Variants in VPS41 observed in about 807,000 individuals in gnomAD.
VPS41 encodes the protein vacuolar protein sorting-associated protein 41 homolog.
In VPS41, 85 loss-of-function variants were observed where a neutral mutation model predicts 130.9. That is an observed-to-expected ratio of 0.65 (90% CI 0.55 to 0.78). The LOEUF (loss-of-function observed/expected upper bound fraction) is 0.78, where lower values mean the gene tolerates loss of function less well. Ranked by LOEUF, VPS41 falls within the 30% of genes least tolerant of loss-of-function variation. The pLI is 0.00. For missense variants in VPS41, 874 were observed against 1,018.7 expected (o/e 0.86, Z 1.93); for synonymous variants, 335 against 332.9 (o/e 1.01, Z -0.07).
intron 7 of VPS41, among the ~76,000 whole-genome samples, chr7:38,811,692 A>G (rs1784946937): frequency 6.6e-6 from 1 of 151,900 alleles, no homozygotes; most frequent in African/African-American, 2.4e-5. Context: ...AAGTGGAAAT[A>G]ATTTGCTTGT....
intron 15 of VPS41, among the ~76,000 whole-genome samples, chr7:38,766,833 T>C (rs149724373): frequency 1.1e-3 from 164 of 152,346 alleles, no homozygotes; most frequent in African/African-American, 3.8e-3. Flanking sequence ...CCTTCTGCCA[T>C]GACTGTAAGT....
chr7:38,789,743 A>C (rs1241636547), intron 10 of VPS41, 58 bp downstream of exon 10: 1 of 1,578,392 alleles, frequency 6.3e-7, no homozygotes, highest in African/African-American at 1.3e-5. Flanking sequence ...GAGATTAATG[A>C]AGACGAAAAT....
At chr7:38,749,385 G>C (rs1030584269) in intron 22 of VPS41, among the ~76,000 whole-genome samples, 2 of 152,174 alleles carry the variant, frequency 1.3e-5, no homozygotes, top group Admixed American at 1.3e-4. Context: ...GAAAGATATA[G>C]TGTCTTCCCA....
chr7:38,826,328 A>C (rs1054236869), intron 5 of VPS41, among the ~76,000 whole-genome samples: 2 of 152,238 alleles, frequency 1.3e-5, no homozygotes, highest in Non-Finnish European at 2.9e-5. Flanking sequence ...TAAACAAATC[A>C]AACAAAAACA....
intron 7 of VPS41, among the ~76,000 whole-genome samples, chr7:38,800,191 TA>T (rs1784698635): frequency 6.6e-6 from 1 of 152,160 alleles, no homozygotes; most frequent in Non-Finnish European, 1.5e-5. Flanking sequence ...ACACAATGAG[TA>T]TGTATCCATT....
chr7:38,876,681 G>C (rs555937962), intron 2 of VPS41, among the ~76,000 whole-genome samples: 1 of 138,178 alleles, frequency 7.2e-6, no homozygotes, highest in Non-Finnish European at 1.7e-5. Flanking sequence ...TTGCTTTACC[G>C]TAACACACTA....
chr7:38,900,399 C>T (rs150457725), intron 1 of VPS41, among the ~76,000 whole-genome samples: 1 of 151,922 alleles, frequency 6.6e-6, no homozygotes, highest in East Asian at 1.9e-4. Context: ...ACCACGGAGA[C>T]TGGGAAGGGT....
intron 5 of VPS41, among the ~76,000 whole-genome samples, chr7:38,826,104 C>G (rs1000074141): frequency 6.6e-5 from 10 of 152,204 alleles, no homozygotes; most frequent in Non-Finnish European, 2.9e-5. Flanking sequence ...TCCACCCAGG[C>G]TGACTAACAG....
chr7:38,796,985 T>C, intron 7 of VPS41, 121 bp from the exon 8 acceptor site: 1 of 1,076,574 alleles, frequency 9.3e-7, no homozygotes, highest in Non-Finnish European at 1.4e-6. Context: ...TCGACGTCTT[T>C]AATGTAGACT....
At chr7:38,746,277 C>T (rs1178639531) in intron 22 of VPS41, among the ~76,000 whole-genome samples, 1 of 150,844 alleles carries the variant, frequency 6.6e-6, no homozygotes. Flanking sequence ...AAAAGACCTA[C>T]TATATATTGA....
chr7:38,876,600 T>C (rs1169524043), intron 2 of VPS41, among the ~76,000 whole-genome samples: 3 of 152,196 alleles, frequency 2.0e-5, no homozygotes, highest in Non-Finnish European at 4.4e-5. Context: ...ATATTTATTA[T>C]AAAAACGGTT....
intron 7 of VPS41, among the ~76,000 whole-genome samples, chr7:38,816,635 GA>G (rs1274744728): frequency 2.6e-5 from 4 of 151,700 alleles, no homozygotes; most frequent in African/African-American, 7.3e-5. Flanking sequence ...AATAAAAACA[GA>G]AAAAAAACTA....
At chr7:38,830,117 C>A in intron 5 of VPS41, 137 bp downstream of exon 5, 1 of 679,928 alleles carries the variant, frequency 1.5e-6, no homozygotes, top group Non-Finnish European at 2.6e-6. Context: ...TCAATTATGA[C>A]CAATCAGAAG....
Position 38,841,956 on chromosome 7 carries a change from T to C in VPS41, c.247-11628A>G, listed in dbSNP as rs560747463. On this transcript the variant is annotated intron_variant, in intron 4 of 28. Transcript: ENST00000310301. ...CCTTTCAGGTTGTAGATCCTCAGCC[T>C]GCCTCTTAAACAGCGGTATTTTCAA... 5.3e-5 allele frequency among the ~76,000 whole-genome samples: 8 copies of C among 152,344 alleles called. No homozygotes were observed. In the South Asian group the frequency reaches 1.0e-3, roughly 20 times the overall value.
chr7:38,827,509 T>G (rs576309750), intron 5 of VPS41, among the ~76,000 whole-genome samples: 1 of 152,236 alleles, frequency 6.6e-6, no homozygotes, highest in Non-Finnish European at 1.5e-5. Flanking sequence ...CTGCAATGGA[T>G]TAAAAATGAA....
At chr7:38,889,251 G>A (rs188402355) in intron 2 of VPS41, among the ~76,000 whole-genome samples, 26 of 152,028 alleles carry the variant, frequency 1.7e-4, no homozygotes, top group African/African-American at 5.8e-4. Flanking sequence ...TTCACAATTT[G>A]GTGAAGGGCA....
chr7:38,832,157 T>G (rs1436544801), intron 4 of VPS41, among the ~76,000 whole-genome samples: 1 of 152,082 alleles, frequency 6.6e-6, no homozygotes, highest in Non-Finnish European at 1.5e-5. Context: ...TATTAACATG[T>G]TTGTTGTTTT....
chr7:38,749,084 C>T (rs2286095), intron 22 of VPS41, among the ~76,000 whole-genome samples: 51,412 of 151,956 alleles, frequency 0.34, 9,406 homozygotes, highest in Admixed American at 0.55. Context: ...TCCTTTAGAA[C>T]AAACAATTTC....
At chr7:38,846,277 T>C (rs1157806559) in intron 4 of VPS41, among the ~76,000 whole-genome samples, 1 of 152,238 alleles carries the variant, frequency 6.6e-6, no homozygotes, top group South Asian at 2.1e-4. Flanking sequence ...ACAAGTGACT[T>C]GACTTAAGAG....
Sources: gnomAD v4.1 joint callset for allele counts (sites outside exome capture counted in the v4.1 genomes callset) on GRCh38, gnomAD v4.1.1 for gene constraint, MANE v1.5 for transcripts, NCBI Gene and HGNC (gene_info 2026-07-23, HGNC 2026-07-21) for gene names.